The following FSTL4 variants were observed in gnomAD, a reference collection of about 807,000 sequenced individuals.
The protein encoded by FSTL4 is follistatin-related protein 4.
Under a neutral mutation model 78.2 loss-of-function variants are expected in FSTL4, and 28 were observed. The observed-to-expected ratio is 0.36, with a 90% confidence interval of 0.27 to 0.49. The LOEUF (loss-of-function observed/expected upper bound fraction) is 0.49. Among genes scored for constraint, FSTL4 ranks in the 20% least tolerant of loss-of-function variants. The probability of loss-of-function intolerance (pLI) is 0.98; values close to 1 mark genes in which losing one functional copy is unlikely to be tolerated. For missense variants in FSTL4, 922 were observed against 1,084.9 expected (o/e 0.85, Z 2.11); for synonymous variants, 422 against 440.5 (o/e 0.96, Z 0.53).
intron 6 of FSTL4, among the ~76,000 whole-genome samples, chr5:133,290,049 C>T (rs1308475968): frequency 6.6e-6 from 1 of 152,124 alleles, no homozygotes; most frequent in South Asian, 2.1e-4. Flanking sequence ...GAGAGAGTGG[C>T]CAAGATCAAG....
At chr5:133,541,519 A>G (rs764417604) in intron 3 of FSTL4, among the ~76,000 whole-genome samples, 2 of 152,234 alleles carry the variant, frequency 1.3e-5, no homozygotes, top group Non-Finnish European at 2.9e-5. Flanking sequence ...ACGAGGGGAC[A>G]TAGACCCTGC....
intron 4 of FSTL4, among the ~76,000 whole-genome samples, chr5:133,332,738 G>T (rs1229933108): frequency 6.6e-6 from 1 of 152,232 alleles, no homozygotes; most frequent in Non-Finnish European, 1.5e-5. Context: ...TGAGGCTCAA[G>T]AAATGCCACT....
intron 4 of FSTL4, among the ~76,000 whole-genome samples, chr5:133,387,298 G>A (rs1041876246): frequency 1.3e-5 from 2 of 152,216 alleles, no homozygotes; most frequent in African/African-American, 4.8e-5. Flanking sequence ...CAGTAACTGG[G>A]AAAGTTATCT....
chr5:133,308,865 G>A (rs183043048), intron 6 of FSTL4, among the ~76,000 whole-genome samples: 5 of 152,204 alleles, frequency 3.3e-5, no homozygotes, highest in African/African-American at 7.2e-5. Flanking sequence ...TGTGGTCACC[G>A]GACCTTCACA....
chr5:133,214,298 C>T (rs908963874), intron 13 of FSTL4, among the ~76,000 whole-genome samples: 26 of 152,298 alleles, frequency 1.7e-4, no homozygotes, highest in Admixed American at 6.5e-4. Flanking sequence ...TTCAATAAAT[C>T]TCAAAGGATC....
intron 3 of FSTL4, among the ~76,000 whole-genome samples, chr5:133,555,602 A>T (rs954728522): frequency 1.3e-5 from 2 of 152,234 alleles, no homozygotes; most frequent in Admixed American, 6.5e-5. Flanking sequence ...ATTATTTTAA[A>T]TTCCGTATAA....
chr5:133,272,863 A>G (rs781434332), intron 6 of FSTL4, among the ~76,000 whole-genome samples: 32 of 152,268 alleles, frequency 2.1e-4, no homozygotes, highest in Non-Finnish European at 4.1e-4. Flanking sequence ...AACTTGGGCC[A>G]TCTGTTAGGA....
the FSTL4 span, among the ~76,000 whole-genome samples, chr5:133,657,952 T>G: frequency 2.0e-5 from 3 of 152,088 alleles, no homozygotes; most frequent in African/African-American, 7.2e-5. Context: ...GATTGGAAAT[T>G]TTCCATTTAT....
At chr5:133,363,252 G>T (rs535541596) in intron 4 of FSTL4, among the ~76,000 whole-genome samples, 1 of 152,290 alleles carries the variant, frequency 6.6e-6, no homozygotes, top group South Asian at 2.1e-4. Flanking sequence ...GCAGCGACAG[G>T]TACCAAGTGC....
chr5:133,760,452 C>T, the FSTL4 span, among the ~76,000 whole-genome samples: 1 of 152,176 alleles, frequency 6.6e-6, no homozygotes, highest in African/African-American at 2.4e-5. Flanking sequence ...AATGGTACCC[C>T]AGGGCTGAAG....
intron 6 of FSTL4, among the ~76,000 whole-genome samples, chr5:133,309,838 C>G (rs1194403676): frequency 6.6e-6 from 1 of 152,198 alleles, no homozygotes; most frequent in Non-Finnish European, 1.5e-5. Flanking sequence ...AGGACGCCAG[C>G]AAAATAGAGA....
At chr5:133,622,288 T>G in the FSTL4 span, among the ~76,000 whole-genome samples, 2 of 152,216 alleles carry the variant, frequency 1.3e-5, no homozygotes, top group Non-Finnish European at 2.9e-5. Flanking sequence ...CACATTTGTT[T>G]AACCACCTGG....
the FSTL4 span, among the ~76,000 whole-genome samples, chr5:133,805,221 A>G: frequency 6.6e-6 from 1 of 152,084 alleles, no homozygotes; most frequent in Non-Finnish European, 1.5e-5. Context: ...TGAAGGTCCC[A>G]CATTCAAAAA....
the FSTL4 span, among the ~76,000 whole-genome samples, chr5:133,820,946 AG>A: frequency 6.6e-6 from 1 of 152,226 alleles, no homozygotes; most frequent in African/African-American, 2.4e-5. Flanking sequence ...TTTTCAGAAA[AG>A]GGTGGTAATA....
chr5:133,708,238 C>T, the FSTL4 span, among the ~76,000 whole-genome samples: 3 of 152,018 alleles, frequency 2.0e-5, no homozygotes, highest in African/African-American at 4.8e-5. Flanking sequence ...TCATTAAAGA[C>T]GTCCAGTTGC....
rs145020014 is a variant in FSTL4 at position 133,442,324 on chromosome 5, C to T, written c.161-41338G>A. Among the ~76,000 whole-genome samples the T allele has an allele frequency of 7.3e-3, 1,110 of 152,238 alleles. 19 individuals are homozygous for T. Among genetic ancestry groups the T allele is most frequent in the African/African-American group, 0.024 (1,003 of 41,534 alleles). ...ATGACACAGGCATCCCTTTCAGCTC[C>T]CAATAACTTCTCTTTGTTGCTAATT... On this transcript the variant is annotated intron_variant, in intron 3 of 15. Coordinates refer to ENST00000265342, the MANE Select transcript of FSTL4 (RefSeq NM_015082.2).
the FSTL4 span, among the ~76,000 whole-genome samples, chr5:133,829,504 C>T: frequency 6.6e-6 from 1 of 152,218 alleles, no homozygotes; most frequent in Non-Finnish European, 1.5e-5. Context: ...TATTCAGCAC[C>T]TGCTCTATAT....
intron 14 of FSTL4, chr5:133,207,832 G>T (rs1750576166): frequency 6.6e-6 from 1 of 152,076 alleles, no homozygotes; most frequent in South Asian, 2.1e-4. Flanking sequence ...TTTATTTTTT[G>T]TAGAGATGCG....
chr5:133,259,838 G>A (rs1262283914), intron 6 of FSTL4, among the ~76,000 whole-genome samples: 2 of 152,090 alleles, frequency 1.3e-5, no homozygotes, highest in Admixed American at 6.5e-5. Context: ...AATGACTCCC[G>A]TGTTCCTGAC....
Sources: gnomAD v4.1 joint callset for allele counts (sites outside exome capture counted in the v4.1 genomes callset) on GRCh38, gnomAD v4.1.1 for gene constraint, MANE v1.5 for transcripts, NCBI Gene and HGNC (gene_info 2026-07-23, HGNC 2026-07-21) for gene names.